Variants in PELP1 observed in about 807,000 individuals in gnomAD.
PELP1 encodes proline-, glutamic acid- and leucine-rich protein 1.
In PELP1, 32 loss-of-function variants were observed where a neutral mutation model predicts 95.5. That is an observed-to-expected ratio of 0.34 (90% CI 0.25 to 0.45). The LOEUF (loss-of-function observed/expected upper bound fraction) is 0.45. Among genes scored for constraint, PELP1 ranks in the 20% least tolerant of loss-of-function variants. The pLI is 1.00. For synonymous variants in PELP1, 668 were observed against 600.1 expected (o/e 1.11, Z -1.65); for missense variants, 1,358 against 1,444.8 (o/e 0.94, Z 0.97).
intron 5 of PELP1, among the ~76,000 whole-genome samples, chr17:4,681,757 G>A (rs567592460): frequency 2.3e-4 from 35 of 150,912 alleles, no homozygotes; most frequent in Non-Finnish European, 1.8e-4. Context: ...CCAAGATCAC[G>A]CCACTGCACT....
chr17:4,671,902 G>A lies in PELP1; in HGVS notation c.3089C>T (p.Ala1030Val), dbSNP rs545312962. Reference sequence around the variant, plus strand: ...CTCCACCTCTCCCTGGGAGGGGAGCGCTTCAGGGGCCAGGGTGGGAGCTGT... The same window carrying A: ...CTCCACCTCTCCCTGGGAGGGGAGCACTTCAGGGGCCAGGGTGGGAGCTGT... ...ADTAPTLAPE[A>V]LPSQGEVERE... The change falls in exon 16 of 17, where the codon GCG becomes GTG. Residue 1030 changes from alanine to valine, a missense_variant. Coordinates refer to ENST00000572293, the MANE Select transcript of PELP1 (RefSeq NM_014389.3). 18 of 1,512,134 alleles carry A rather than the reference G, an allele frequency of 1.2e-5. No individual in the cohort carries two copies. The highest frequency in any genetic ancestry group is 1.8e-4 in the Middle Eastern group (1 of 5,556). 93.7% of individuals were successfully genotyped at this position (1,512,134 alleles called of 1,614,324 possible).
rs750346544 is a variant in PELP1, at chr17:4,672,850, G to A, written c.2141C>T (p.Pro714Leu). 2.5e-6 allele frequency: 4 copies of A among 1,613,924 alleles called. No homozygotes were observed. Among genetic ancestry groups the A allele is most frequent in the Non-Finnish European group, 3.4e-6 (4 of 1,179,822 alleles). ...CCGGGGAGGGACAGACACTAGGCCT[G>A]GGACAGAAAGGCCTAGGTGGTTGGC... is the stretch of plus-strand genomic sequence containing the variant. ...TTANHLGLSV[P>L]GLVSVPPRLL... The change falls in exon 16 of 17, where the codon CCA becomes CTA. Residue 714 changes from proline to leucine, a missense_variant. Transcript: ENST00000572293.
intron 1 of PELP1, among the ~76,000 whole-genome samples, chr17:4,697,120 C>A (rs1913328499): frequency 6.6e-6 from 1 of 152,050 alleles, no homozygotes; most frequent in Non-Finnish European, 1.5e-5. Flanking sequence ...CAGTGCAAGG[C>A]CTGGGTTGTA....
In PELP1 at chr17:4,694,497, C is replaced by CAAAAAAAAA. The variant is rs55794918; in HGVS notation, c.250-3064_250-3056dup. Among the ~76,000 whole-genome samples the CAAAAAAAAA allele has an allele frequency of 5.5e-5, 3 of 54,638 alleles. 1 individual carries two copies. Among genetic ancestry groups the CAAAAAAAAA allele is most frequent in the East Asian group, 5.3e-4 (1 of 1,900 alleles). The allele number at this position is 54,638 out of a possible 152,430, so 35.8% of individuals were successfully genotyped here. On this transcript the variant is annotated intron_variant, in intron 1 of 16. Coordinates refer to ENST00000572293, the MANE Select transcript of PELP1 (RefSeq NM_014389.3). ...TGAAACGCCATCTCTACCAAAAATA[C>CAAAAAAAAA]AAAAAAAAAAAAATCAGCCAGGCGT...
chr17:4,675,013 C>G lies in PELP1; in HGVS notation c.1275-57G>C. ...TGGGGGGTCAACATGCCAGAAGCCC[C>G]AGCCCACCTGCACCCCCTCACCCCC... On this transcript the variant is annotated intron_variant, in intron 11 of 16. Coordinates refer to ENST00000572293, the MANE Select transcript of PELP1 (RefSeq NM_014389.3). This position sits in a 1 kb window ranked among gnomAD's most constrained non-coding sequence, Gnocchi z 4.3. 1 of 1,606,604 alleles carries G rather than the reference C, an allele frequency of 6.2e-7. No individual in the cohort carries two copies. The highest frequency in any genetic ancestry group is 8.5e-7 in the Non-Finnish European group (1 of 1,174,226).
chr17:4,704,067 A>G lies in PELP1; in HGVS notation c.45T>C (p.Ala15=), dbSNP rs1913674353. Residue 15 remains alanine (A), a synonymous_variant, in exon 1 of 17, where the codon GCT becomes GCC. Transcript: ENST00000572293. ...GACCCCCGGTCCCGCCAGGAACCCCAGCCGCGGAGCCCGCAGAGGGCCCAC... is the reference window on the plus strand; with the variant it reads ...GACCCCCGGTCCCGCCAGGAACCCCGGCCGCGGAGCCCGCAGAGGGCCCAC... ...VLSGPSAGSA[A]GVPGGTGGLS... is the part of the protein sequence containing the mutation. 6.2e-7 allele frequency: 1 copy of G among 1,611,724 alleles called. No homozygotes were observed. The highest frequency in any genetic ancestry group is 1.3e-5 in the African/African-American group (1 of 74,924).
intron 3 of PELP1, among the ~76,000 whole-genome samples, chr17:4,685,565 G>A (rs886362829): frequency 6.6e-6 from 1 of 151,984 alleles, no homozygotes; most frequent in African/African-American, 2.4e-5. Context: ...CAAGGTGGGA[G>A]GACTGCTTGA....
intron 3 of PELP1, among the ~76,000 whole-genome samples, chr17:4,686,084 G>A (rs902951894): frequency 8.6e-5 from 13 of 152,006 alleles, no homozygotes; most frequent in Non-Finnish European, 1.3e-4. Context: ...GCCACAGAGC[G>A]AGACTCCACC....
chr17:4,683,279 G>A (rs1912763398), intron 3 of PELP1, among the ~76,000 whole-genome samples: 2 of 150,348 alleles, frequency 1.3e-5, no homozygotes, highest in South Asian at 4.2e-4. Context: ...GGAGTGCAGT[G>A]GCGCGATCTC....
At chr17:4,703,057 T>C (rs1424273634) in intron 1 of PELP1, among the ~76,000 whole-genome samples, 2 of 152,188 alleles carry the variant, frequency 1.3e-5, no homozygotes, top group Non-Finnish European at 2.9e-5. Context: ...AGTGTCTAGC[T>C]TGCAGAACTG....
Position 4,675,165 on chromosome 17 carries a change from G to A in PELP1, c.1188C>T (p.Ile396=), listed in dbSNP as rs1413540582. The A allele has an allele frequency of 5.6e-6, 9 of 1,613,754 alleles. No homozygotes were observed. The African/African-American group carries it at 1.2e-4, about 22-fold the overall frequency. The change falls in exon 11 of 17, where the codon ATC becomes ATT. Residue 396 remains isoleucine (I), a synonymous_variant. Transcript: ENST00000572293. The surrounding 1 kb of genome is among the most constrained non-coding windows in gnomAD (Gnocchi z 4.3). ...CCTGGGGAAGCAGGCGGCCGATCAG[G>A]ATCCCAAAGCGCAAGAGCCGGCTTC... is the stretch of plus-strand genomic sequence containing the variant. ...ACGSRLLRFG[I]LIGRLLPQVL...
intron 1 of PELP1, among the ~76,000 whole-genome samples, chr17:4,700,503 G>C (rs969980718): frequency 2.0e-5 from 3 of 152,042 alleles, no homozygotes; most frequent in African/African-American, 7.2e-5. Context: ...AATTAGCTGG[G>C]TATGGTGGCA....
At chr17:4,701,814 AACCTT>A (rs1348061086) in intron 1 of PELP1, among the ~76,000 whole-genome samples, 1 of 152,236 alleles carries the variant, frequency 6.6e-6, no homozygotes, top group African/African-American at 2.4e-5. Flanking sequence ...TGTTGAATGA[AACCTT>A]TGGGGAAGGA....
intron 2 of PELP1, 39 bp from the exon 3 acceptor site, chr17:4,691,032 G>T: frequency 1.4e-6 from 2 of 1,420,214 alleles, no homozygotes; most frequent in Non-Finnish European, 2.0e-6. Context: ...GTGGGCGGAG[G>T]CTAGACTTCA....
intron 1 of PELP1, among the ~76,000 whole-genome samples, chr17:4,703,100 C>G (rs12453305): frequency 0.65 from 99,392 of 151,944 alleles, 33,328 homozygotes; most frequent in East Asian, 0.82. Flanking sequence ...TATAGAAGTC[C>G]AAAGGCTCCT....
chr17:4,687,602 T>C (rs1225314041), intron 3 of PELP1, among the ~76,000 whole-genome samples: 1 of 152,074 alleles, frequency 6.6e-6, no homozygotes, highest in Non-Finnish European at 1.5e-5. Context: ...TAAGAATGGC[T>C]TTTACATTTT....
chr17:4,698,008 G>GCTTT (rs1223259169), intron 1 of PELP1, among the ~76,000 whole-genome samples: 51 of 133,604 alleles, frequency 3.8e-4, no homozygotes, highest in African/African-American at 1.4e-3. Context: ...TTTCTGCAAG[G>GCTTT]TTTTTTTTTT....
chr17:4,693,928 G>A (rs1214096125), intron 1 of PELP1, among the ~76,000 whole-genome samples: 1 of 152,152 alleles, frequency 6.6e-6, no homozygotes, highest in Non-Finnish European at 1.5e-5. Flanking sequence ...CGGGCACAAT[G>A]GCACCCGCCT....
Position 4,674,523 on chromosome 17 carries a change from CG to C in PELP1, c.1568del (p.Ala523GlyfsTer43). 1 of 1,612,958 alleles carries C rather than the reference CG, an allele frequency of 6.2e-7. No homozygotes were observed. The highest frequency in any genetic ancestry group is 8.5e-7 in the Non-Finnish European group (1 of 1,179,502). On this transcript the variant is annotated frameshift_variant, in exon 13 of 17. Coordinates refer to ENST00000572293, the MANE Select transcript of PELP1 (RefSeq NM_014389.3). LOFTEE classifies it high-confidence loss of function. ...GGCCTCACCCACCTCTGAGTGCAGC[CG>C]CACACACGTCGCTGTTGGCATTGCT... Reference protein sequence around the residue: ...GDSNANSDVCAAALRGLSRTI... With the variant: ...GDSNANSDVCXAALRGLSRTI...
Sources: gnomAD v4.1 joint callset for allele counts (sites outside exome capture counted in the v4.1 genomes callset) on GRCh38, gnomAD v4.1.1 for gene constraint, Gnocchi (gnomAD v3.1) non-coding constraint, MANE v1.5 for transcripts, NCBI Gene and HGNC (gene_info 2026-07-23, HGNC 2026-07-21) for gene names.